TMEM178A: variants seen among roughly 807,000 people sequenced by gnomAD.
TMEM178A encodes the protein transmembrane protein 178.
Under a neutral mutation model 29.1 loss-of-function variants are expected in TMEM178A, and 12 were observed. The observed-to-expected ratio is 0.41, with a 90% CI of 0.26 to 0.67. TMEM178A has a LOEUF of 0.67. TMEM178A is among the 30% of genes least tolerant of loss of function. TMEM178A has a pLI of 0.29. For missense variants in TMEM178A, 366 were observed against 419.1 expected (o/e 0.87, Z 1.11); for synonymous variants, 210 against 187.2 (o/e 1.12, Z -0.99).
At chr2:39,714,765 A>G (rs1363384573) in intron 3 of TMEM178A, among the ~76,000 whole-genome samples, 1 of 152,184 alleles carries the variant, frequency 6.6e-6, no homozygotes, top group East Asian at 1.9e-4. Flanking sequence ...ATCAAAAGCA[A>G]TTTTATGGGG....
downstream of TMEM178A, among the ~76,000 whole-genome samples, chr2:39,721,108 C>A (rs763200782): frequency 2.0e-5 from 3 of 152,214 alleles, no homozygotes; most frequent in African/African-American, 4.8e-5. Context: ...GCTATCCTGA[C>A]GAAGAACACA....
Position 39,666,259 on chromosome 2 carries a change from G to C in TMEM178A, c.285G>C (p.Gly95=), listed in dbSNP as rs754090258. The change falls in exon 1 of 4, where the codon GGG becomes GGC. Residue 95 remains glycine (G), a synonymous_variant. Transcript: ENST00000281961. ...CCGAGTCCTGGCGCTCGCTCCTGGG[G>C]CTCGGCGGGCTGGACGCCGAGTGCG... is the stretch of plus-strand genomic sequence containing the variant. The part of the protein sequence containing the change: ...ADPESWRSLL[G]LGGLDAECGR... 7.2e-7 allele frequency: 1 copy of C among 1,384,412 alleles called. No homozygotes were observed. Among genetic ancestry groups the C allele is most frequent in the African/African-American group, 1.5e-5 (1 of 66,448 alleles). The allele number at this position is 1,384,412 out of a possible 1,614,324, so 85.8% of individuals were successfully genotyped here.
chr2:39,716,162 A>C (rs1204535002), intron 3 of TMEM178A, among the ~76,000 whole-genome samples: 2 of 152,156 alleles, frequency 1.3e-5, no homozygotes, highest in Non-Finnish European at 2.9e-5. Context: ...TACTCACCAC[A>C]CTCTGATCCT....
chr2:39,699,270 G>A (rs183551235), intron 1 of TMEM178A, among the ~76,000 whole-genome samples: 91 of 151,648 alleles, frequency 6.0e-4, no homozygotes, highest in Non-Finnish European at 9.3e-4. Flanking sequence ...CAAGTGATCC[G>A]TCTACTTCAG....
At chr2:39,727,860 G>C in the TMEM178A span, among the ~76,000 whole-genome samples, 1 of 152,202 alleles carries the variant, frequency 6.6e-6, no homozygotes, top group African/African-American at 2.4e-5. Flanking sequence ...ATGGTTTCCA[G>C]CTTCATCCAT....
chr2:39,718,172 C>T (rs1672623707), downstream of TMEM178A, among the ~76,000 whole-genome samples: 2 of 141,800 alleles, frequency 1.4e-5, no homozygotes, highest in Admixed American at 1.4e-4. Flanking sequence ...TTAAACCTTC[C>T]TATACTATTT....
chr2:39,730,603 G>A, the TMEM178A span, among the ~76,000 whole-genome samples: 75 of 152,230 alleles, frequency 4.9e-4, no homozygotes, highest in Non-Finnish European at 6.5e-4. Flanking sequence ...GCTGGTGGCA[G>A]TATTGGTGGT....
intron 1 of TMEM178A, among the ~76,000 whole-genome samples, chr2:39,703,828 T>C (rs1671902507): frequency 1.3e-5 from 2 of 152,238 alleles, no homozygotes; most frequent in African/African-American, 4.8e-5. Context: ...TAAGGAGTTT[T>C]GTGTTTAGGT....
the TMEM178A span, among the ~76,000 whole-genome samples, chr2:39,725,099 G>T: frequency 1.3e-5 from 2 of 152,170 alleles, no homozygotes; most frequent in African/African-American, 4.8e-5. Context: ...AGTGTTCACA[G>T]GAGTAGGGGA....
In TMEM178A at chr2:39,707,127, G is replaced by A; in HGVS notation, c.593G>A (p.Ser198Asn). 6.2e-7 allele frequency: 1 copy of A among 1,614,218 alleles called. No homozygotes were observed. The highest frequency in any genetic ancestry group is 8.5e-7 in the Non-Finnish European group (1 of 1,180,028). Residue 198 changes from serine (S) to asparagine (N), a missense_variant, in exon 3 of 4, where the codon AGT (serine) becomes AAT (asparagine). By Grantham distance (46) the Ser-to-Asn change is conservative. Coordinates refer to ENST00000281961, the MANE Select transcript of TMEM178A (RefSeq NM_152390.3). ...TGCGGCTGCATTGTGGCCACAGTCA[G>A]TTTCTTCTGGGAGGAGAGCTTGACC... ...LLCGCIVATV[S>N]FFWEESLTQH...
Position 39,666,043 on chromosome 2 carries a change from C to T in TMEM178A, c.69C>T (p.Val23=). 1 of 1,560,460 alleles carries T rather than the reference C, an allele frequency of 6.4e-7. No homozygotes were observed. The highest frequency in any genetic ancestry group is 8.6e-7 in the Non-Finnish European group (1 of 1,156,960). The change falls in exon 1 of 4, where the codon GTC becomes GTT. Residue 23 remains valine (V), a synonymous_variant. Transcript: ENST00000281961. ...GCCTGTGCTCCCTGGGGCTGCTCGTCACGGCCATCTTCACCGACCACTGGT... is the reference window on the plus strand; with the variant it reads ...GCCTGTGCTCCCTGGGGCTGCTCGTTACGGCCATCTTCACCGACCACTGGT... ...GLSLCSLGLL[V]TAIFTDHWYE...
chr2:39,700,014 T>G (rs1572680547), intron 1 of TMEM178A, among the ~76,000 whole-genome samples: 1 of 152,230 alleles, frequency 6.6e-6, no homozygotes, highest in African/African-American at 2.4e-5. Context: ...GAACTTACTT[T>G]GTATGACTTT....
In TMEM178A at chr2:39,666,121, C is replaced by A. The variant is rs1335175105; in HGVS notation, c.147C>A (p.Gly49=). Residue 49 remains glycine, a synonymous_variant, in exon 1 of 4, where the codon GGC becomes GGA. Transcript: ENST00000281961. ...HKESCERSRA[G]ADPPDQKNRL... is the part of the protein sequence containing the mutation. Reference sequence around the variant, plus strand: ...AGAGCTGCGAGCGCAGCCGCGCGGGCGCCGACCCCCCGGACCAGAAGAACC... The same window carrying A: ...AGAGCTGCGAGCGCAGCCGCGCGGGAGCCGACCCCCCGGACCAGAAGAACC... The A allele has an allele frequency of 1.3e-6, 2 of 1,550,354 alleles. No individual in the cohort carries two copies. Among genetic ancestry groups the A allele is most frequent in the East Asian group, 2.6e-5 (1 of 37,830 alleles).
At chr2:39,688,548 C>T (rs189452655) in intron 1 of TMEM178A, among the ~76,000 whole-genome samples, 2 of 152,340 alleles carry the variant, frequency 1.3e-5, no homozygotes, top group East Asian at 1.9e-4. Flanking sequence ...AATGATAACA[C>T]GTCTAATTTG....
intron 3 of TMEM178A, among the ~76,000 whole-genome samples, chr2:39,713,955 G>T (rs1335920660): frequency 6.6e-6 from 1 of 152,118 alleles, no homozygotes; most frequent in East Asian, 1.9e-4. Context: ...GAAGCTTGTT[G>T]GAAAAGTTGG....
chr2:39,732,935 C>A, the TMEM178A span, among the ~76,000 whole-genome samples: 4 of 152,242 alleles, frequency 2.6e-5, no homozygotes, highest in Non-Finnish European at 5.9e-5. Context: ...GCACTAACAT[C>A]TGCAGCTCCT....
chr2:39,677,355 C>T (rs1184299977), intron 1 of TMEM178A, among the ~76,000 whole-genome samples: 1 of 152,182 alleles, frequency 6.6e-6, no homozygotes, highest in African/African-American at 2.4e-5. Flanking sequence ...TATCCTTTGA[C>T]TGGCAACTGA....
intron 1 of TMEM178A, among the ~76,000 whole-genome samples, chr2:39,692,436 C>T (rs1362841403): frequency 2.6e-5 from 4 of 151,738 alleles, no homozygotes; most frequent in Non-Finnish European, 5.9e-5. Flanking sequence ...AGTTTTGTAC[C>T]TTCAATATAT....
intron 3 of TMEM178A, among the ~76,000 whole-genome samples, chr2:39,708,713 G>A (rs1034238410): frequency 3.0e-4 from 46 of 152,206 alleles, no homozygotes; most frequent in Non-Finnish European, 5.7e-4. Flanking sequence ...CACCGCGCCC[G>A]GCCGATTTTT....
Sources: allele counts gnomAD v4.1 joint callset (sites outside exome capture counted in the v4.1 genomes callset), GRCh38; gene constraint gnomAD v4.1.1; transcripts MANE v1.5; gene names NCBI Gene and HGNC (gene_info 2026-07-23, HGNC 2026-07-21).